The following CRHR2 variants were observed in gnomAD, a reference collection of about 807,000 sequenced individuals.
CRHR2 encodes the protein corticotropin-releasing hormone receptor 2.
In CRHR2, 53 loss-of-function variants were observed where a neutral mutation model predicts 57.9. That is an observed-to-expected ratio of 0.92 (90% confidence interval 0.73 to 1.15). CRHR2 has a LOEUF of 1.15. Among genes scored for constraint, CRHR2 ranks in the 50% most tolerant of loss-of-function variants. The pLI is 0.00. For synonymous variants in CRHR2, 213 were observed against 220.9 expected, an observed-to-expected ratio of 0.96 and a Z score of 0.32; for missense variants, 532 against 542.6, an observed-to-expected ratio of 0.98 and a Z score of 0.19.
rs751766093 is a variant in CRHR2, at chr7:30,665,081, C to T, written c.532G>A (p.Glu178Lys). The T allele has an allele frequency of 3.1e-5, 50 of 1,613,776 alleles. No homozygotes were observed. The highest frequency in any genetic ancestry group is 6.7e-5 in the African/African-American group (5 of 74,856). The change falls in exon 5 of 12, where the codon GAG (glutamate) becomes AAG (lysine). Residue 178 changes from glutamate (E) to lysine (K), a missense_variant. Physicochemically the swap from Glu to Lys is moderately conservative, Grantham distance 56. Transcript: ENST00000471646. The surrounding 1 kb of genome is among the most constrained non-coding windows in gnomAD (Gnocchi z 4.5). ...CCCCGAGCAATGACCTCATTGCTCTCGTGCACTTCATGGTCAACGAGCTGC... is the reference window on the plus strand; with the variant it reads ...CCCCGAGCAATGACCTCATTGCTCTTGTGCACTTCATGGTCAACGAGCTGC... ...LLQLVDHEVH[E>K]SNEVWCRCIT...
chr7:30,657,092 C>A (rs1378395792), intron 8 of CRHR2, among the ~76,000 whole-genome samples: 1 of 152,046 alleles, frequency 6.6e-6, no homozygotes, highest in Non-Finnish European at 1.5e-5. Flanking sequence ...CTCACACACA[C>A]ACACACACAC....
At chr7:30,657,750 C>T (rs1783841984) in intron 8 of CRHR2, among the ~76,000 whole-genome samples, 1 of 152,134 alleles carries the variant, frequency 6.6e-6, no homozygotes, top group Admixed American at 6.5e-5. Context: ...ATTTACCCAC[C>T]TACTTTTATC....
At position 30,677,633 on chromosome 7, in the gene CRHR2, G is replaced by T. The variant is rs537248030; in HGVS notation, c.229+4282C>A. Among the ~76,000 whole-genome samples the T allele has an allele frequency of 2.6e-5, 4 of 152,326 alleles. No individual in the cohort carries two copies. In the South Asian group the frequency reaches 8.3e-4, roughly 32 times the overall value. Reference sequence around the variant, plus strand: ...AGATCCTTACTTCCCAGGATCCCTTGTAGCCAGAGCTTTGGCATGGGATTT... The same window carrying T: ...AGATCCTTACTTCCCAGGATCCCTTTTAGCCAGAGCTTTGGCATGGGATTT... On this transcript the variant is annotated intron_variant, in intron 2 of 11. Transcript: ENST00000471646.
intron 1 of CRHR2, among the ~76,000 whole-genome samples, chr7:30,690,135 G>A (rs1040026493): frequency 6.6e-6 from 1 of 152,188 alleles, no homozygotes; most frequent in Non-Finnish European, 1.5e-5. Flanking sequence ...ATCTTCTGGT[G>A]GGAAAGATGG....
At chr7:30,684,520 G>A (rs1784815702), upstream of CRHR2, among the ~76,000 whole-genome samples, 5 of 152,234 alleles carry the variant, frequency 3.3e-5, no homozygotes, top group South Asian at 1.0e-3. Context: ...CTGCAGAACA[G>A]AGGGTTGGCC....
upstream of CRHR2, among the ~76,000 whole-genome samples, chr7:30,685,581 A>ACC (rs1784840000): frequency 1.3e-5 from 2 of 151,646 alleles, no homozygotes. Context: ...CAGGCCAGGC[A>ACC]CCCCCTCCTC....
At chr7:30,664,093 G>T (rs760632860) in intron 5 of CRHR2, among the ~76,000 whole-genome samples, 3 of 152,206 alleles carry the variant, frequency 2.0e-5, no homozygotes, top group Non-Finnish European at 2.9e-5. Flanking sequence ...ACAAGCCCAC[G>T]TTGGAGCTAG....
intron 8 of CRHR2, among the ~76,000 whole-genome samples, chr7:30,658,726 A>AT (rs1404921459): frequency 1.3e-4 from 20 of 152,236 alleles, no homozygotes; most frequent in Non-Finnish European, 2.6e-4. Context: ...AGAGACCACT[A>AT]AGACCTGTGT....
At chr7:30,677,031 C>T (rs1279767574) in intron 2 of CRHR2, among the ~76,000 whole-genome samples, 1 of 152,104 alleles carries the variant, frequency 6.6e-6, no homozygotes, top group East Asian at 1.9e-4. Context: ...GGAAAATGGA[C>T]CATGGCCAGG....
intron 2 of CRHR2, among the ~76,000 whole-genome samples, chr7:30,688,259 C>T (rs1027185399): frequency 6.6e-6 from 1 of 152,148 alleles, no homozygotes; most frequent in African/African-American, 2.4e-5. Context: ...AGGAACCAAC[C>T]CTGCCCACAG....
upstream of CRHR2, among the ~76,000 whole-genome samples, chr7:30,685,776 C>T (rs533250561): frequency 5.3e-5 from 8 of 152,216 alleles, no homozygotes; most frequent in Admixed American, 1.3e-4. Context: ...TCTCCCAGGC[C>T]ATCCTCATCT....
chr7:30,686,612 C>A (rs1202493767), upstream of CRHR2: 1 of 1,137,206 alleles, frequency 8.8e-7, no homozygotes, highest in South Asian at 1.4e-5. Flanking sequence ...AATTCAAGAC[C>A]AGCCTACAAA....
chr7:30,658,381 G>A (rs1783869216), intron 8 of CRHR2, among the ~76,000 whole-genome samples: 2 of 152,226 alleles, frequency 1.3e-5, no homozygotes, highest in Non-Finnish European at 1.5e-5. Context: ...CGATGGCGAA[G>A]TGGACAGGCA....
chr7:30,676,338 G>T (rs2128146228), intron 2 of CRHR2, among the ~76,000 whole-genome samples: 1 of 152,304 alleles, frequency 6.6e-6, no homozygotes, highest in Non-Finnish European at 1.5e-5. Context: ...TCTCACACAT[G>T]GAGTAACTTG....
At chr7:30,672,006 A>C (rs1022838877) in intron 2 of CRHR2, among the ~76,000 whole-genome samples, 1 of 152,210 alleles carries the variant, frequency 6.6e-6, no homozygotes, top group Non-Finnish European at 1.5e-5. Context: ...AAGTCACTAC[A>C]TGGGATCGGA....
chr7:30,655,107 G>A (rs752093216), intron 10 of CRHR2, 27 bp from the exon 11 acceptor site: 3 of 1,611,054 alleles, frequency 1.9e-6, no homozygotes, highest in Non-Finnish European at 2.5e-6. Flanking sequence ...GGAGGGAGTG[G>A]TCAGTGACCT....
intron 3 of CRHR2, among the ~76,000 whole-genome samples, chr7:30,666,005 C>G (rs1479105707): frequency 2.0e-5 from 3 of 152,176 alleles, no homozygotes; most frequent in Non-Finnish European, 4.4e-5. Flanking sequence ...GGACTACAGA[C>G]AAGTGCCACT....
At chr7:30,670,668 C>T (rs972568970) in intron 2 of CRHR2, among the ~76,000 whole-genome samples, 12 of 152,302 alleles carry the variant, frequency 7.9e-5, no homozygotes, top group South Asian at 2.1e-4. Flanking sequence ...GGCACAGCCT[C>T]GGACAGGAGG....
chr7:30,660,738 C>T, intron 7 of CRHR2, 93 bp from the exon 8 acceptor site: 4 of 1,232,200 alleles, frequency 3.2e-6, no homozygotes, highest in Non-Finnish European at 4.6e-6. Flanking sequence ...TTTACCCTTC[C>T]TGAGACCCAA....
Sources: gnomAD v4.1 joint callset for allele counts (sites outside exome capture counted in the v4.1 genomes callset) on GRCh38, gnomAD v4.1.1 for gene constraint, Gnocchi (gnomAD v3.1) non-coding constraint, MANE v1.5 for transcripts, NCBI Gene and HGNC (gene_info 2026-07-23, HGNC 2026-07-21) for gene names.